Variants in SLC4A10 observed in about 807,000 individuals in gnomAD.
SLC4A10 encodes sodium-driven chloride bicarbonate exchanger.
In SLC4A10, 42 loss-of-function variants were observed where a neutral mutation model predicts 137.7. That is an observed-to-expected ratio of 0.30 (90% confidence interval 0.24 to 0.39). SLC4A10 has a LOEUF of 0.39. Among genes scored for constraint, SLC4A10 ranks in the 10% least tolerant of loss-of-function variants. The pLI is 1.00. For missense variants in SLC4A10, 925 were observed against 1,355.0 expected (o/e 0.68, Z 4.98); for synonymous variants, 474 against 464.1 (o/e 1.02, Z -0.27).
At chr2:161,786,833 T>C (rs2053679518) in intron 2 of SLC4A10, among the ~76,000 whole-genome samples, 1 of 151,186 alleles carries the variant, frequency 6.6e-6, no homozygotes, top group Non-Finnish European at 1.5e-5. Flanking sequence ...AAGTTTATGC[T>C]TTATGACATA....
At chr2:161,660,524 A>G (rs770289165) in intron 1 of SLC4A10, among the ~76,000 whole-genome samples, 5 of 151,946 alleles carry the variant, frequency 3.3e-5, no homozygotes, top group Non-Finnish European at 4.4e-5. Context: ...GTAAGAAACA[A>G]AAGTACATTA....
intron 1 of SLC4A10, among the ~76,000 whole-genome samples, chr2:161,741,145 G>T (rs1395353609): frequency 6.6e-6 from 1 of 151,344 alleles, no homozygotes; most frequent in African/African-American, 2.4e-5. Flanking sequence ...GGCACCTGAA[G>T]TTCCAGCTAC....
chr2:161,663,912 C>T (rs1399648), intron 1 of SLC4A10, among the ~76,000 whole-genome samples: 132,572 of 151,970 alleles, frequency 0.87, 58,430 homozygotes, highest in East Asian at 1. Flanking sequence ...TATTTCATAA[C>T]TGCATACATT....
At chr2:161,759,278 C>A (rs957067695) in intron 1 of SLC4A10, among the ~76,000 whole-genome samples, 2 of 151,940 alleles carry the variant, frequency 1.3e-5, no homozygotes, top group African/African-American at 4.8e-5. Flanking sequence ...TTACCACAAT[C>A]AAGTTAATCA....
At chr2:161,737,537 A>G (rs1243118080) in intron 1 of SLC4A10, among the ~76,000 whole-genome samples, 1 of 151,900 alleles carries the variant, frequency 6.6e-6, no homozygotes, top group Non-Finnish European at 1.5e-5. Flanking sequence ...TTAAAAAAAT[A>G]AAGAATAAAA....
chr2:161,925,064 T>G (rs991351659), intron 15 of SLC4A10, among the ~76,000 whole-genome samples: 1 of 152,134 alleles, frequency 6.6e-6, no homozygotes, highest in African/African-American at 2.4e-5. Flanking sequence ...TGTAGATTAC[T>G]TCATTTGTTC....
chr2:161,911,507 G>A (rs1014784609), intron 15 of SLC4A10, among the ~76,000 whole-genome samples: 7 of 152,044 alleles, frequency 4.6e-5, no homozygotes, highest in East Asian at 1.9e-4. Flanking sequence ...AAAAAATAGC[G>A]AATAAAACAG....
At chr2:161,760,965 A>C (rs1009647007) in intron 1 of SLC4A10, among the ~76,000 whole-genome samples, 1 of 151,992 alleles carries the variant, frequency 6.6e-6, no homozygotes, top group African/African-American at 2.4e-5. Flanking sequence ...CACATTCCTG[A>C]GCCATATAAA....
chr2:161,904,664 C>T (rs1683931792), intron 13 of SLC4A10, 112 bp from the exon 14 acceptor site: 1 of 1,365,942 alleles, frequency 7.3e-7, no homozygotes, highest in Non-Finnish European at 9.9e-7. Context: ...GGTTGCTAGA[C>T]TTTTCAGGGT....
chr2:161,642,486 T>A (rs1392248763), intron 1 of SLC4A10, among the ~76,000 whole-genome samples: 1 of 152,014 alleles, frequency 6.6e-6, no homozygotes, highest in Non-Finnish European at 1.5e-5. Flanking sequence ...TTAAAAATAA[T>A]CTGCATATTT....
intron 15 of SLC4A10, among the ~76,000 whole-genome samples, chr2:161,940,799 A>C (rs1197482658): frequency 6.6e-6 from 1 of 152,182 alleles, no homozygotes; most frequent in Non-Finnish European, 1.5e-5. Flanking sequence ...GGTCAGAACA[A>C]ACCTCAAGCA....
intron 2 of SLC4A10, among the ~76,000 whole-genome samples, chr2:161,794,612 T>A (rs1334783185): frequency 6.6e-6 from 1 of 152,140 alleles, no homozygotes; most frequent in Non-Finnish European, 1.5e-5. Context: ...AATTGATCAG[T>A]TCACATTGGG....
intron 1 of SLC4A10, among the ~76,000 whole-genome samples, chr2:161,680,581 T>C (rs891392678): frequency 5.9e-5 from 9 of 152,002 alleles, no homozygotes; most frequent in African/African-American, 2.2e-4. Context: ...TAGAGAGTTT[T>C]AAGCTTGATA....
chr2:161,950,972 T>C (rs751516974), intron 19 of SLC4A10, 124 bp downstream of exon 19: 43 of 803,696 alleles, frequency 5.4e-5, no homozygotes, highest in Non-Finnish European at 7.3e-5. Flanking sequence ...TTTTTAGATG[T>C]ATAATTTTTA....
chr2:161,760,570 C>T, intron 1 of SLC4A10, among the ~76,000 whole-genome samples: 1 of 152,084 alleles, frequency 6.6e-6, no homozygotes, highest in South Asian at 2.1e-4. Flanking sequence ...TTTCAAATAA[C>T]TCAGCTCTTG....
At chr2:161,893,476 G>T (rs1338747651) in intron 10 of SLC4A10, among the ~76,000 whole-genome samples, 1 of 152,046 alleles carries the variant, frequency 6.6e-6, no homozygotes, top group Non-Finnish European at 1.5e-5. Context: ...GTGGAGGATG[G>T]TTTGGGGCCA....
chr2:161,714,400 T>C lies in SLC4A10; in HGVS notation c.49-56573T>C, dbSNP rs150308130. ...TTCTCAAAAAGCAAATAGAAGGCAT[T>C]TAGAGGAAAAGGACCCTTTCTTCAC... On this transcript the variant is annotated intron_variant, in intron 1 of 26. Transcript: ENST00000446997. 4.0e-3 allele frequency among the ~76,000 whole-genome samples: 611 copies of C among 151,926 alleles called. 4 individuals carry two copies. The highest frequency in any genetic ancestry group is 0.017 in the Middle Eastern group (5 of 294).
chr2:161,759,855 A>G (rs1360909697), intron 1 of SLC4A10, among the ~76,000 whole-genome samples: 1 of 151,946 alleles, frequency 6.6e-6, no homozygotes, highest in Non-Finnish European at 1.5e-5. Flanking sequence ...GTGCAGATTA[A>G]ATGTCTTTCT....
At chr2:161,916,295 A>G (rs530787696) in intron 15 of SLC4A10, among the ~76,000 whole-genome samples, 1 of 152,230 alleles carries the variant, frequency 6.6e-6, no homozygotes, top group African/African-American at 2.4e-5. Flanking sequence ...TGCTCAGACT[A>G]AAAAATCATG....
Sources: gnomAD v4.1 joint callset for allele counts (sites outside exome capture counted in the v4.1 genomes callset) on GRCh38, gnomAD v4.1.1 for gene constraint, MANE v1.5 for transcripts, NCBI Gene and HGNC (gene_info 2026-07-23, HGNC 2026-07-21) for gene names.